The following PTPRN2 variants were observed in gnomAD, a reference collection of about 807,000 sequenced individuals.
PTPRN2 encodes receptor-type tyrosine-protein phosphatase N2.
A neutral mutation model predicts 118.8 loss-of-function variants in PTPRN2; 74 were observed. The observed-to-expected ratio is 0.62, with a 90% CI of 0.52 to 0.76. PTPRN2 has a LOEUF of 0.76. PTPRN2 is among the 30% of genes least tolerant of loss of function. The pLI is 0.00. For missense variants in PTPRN2, 1,481 were observed against 1,394.4 expected (o/e 1.06, Z -0.99); for synonymous variants, 641 against 608.0 (o/e 1.05, Z -0.80).
chr7:158,213,624 A>T (rs1182417105), intron 3 of PTPRN2, among the ~76,000 whole-genome samples: 1 of 152,188 alleles, frequency 6.6e-6, no homozygotes, highest in African/African-American at 2.4e-5. Flanking sequence ...CCATTTGCCA[A>T]AGCAACTTAA....
chr7:157,586,055 A>C (rs1236146305), intron 17 of PTPRN2, among the ~76,000 whole-genome samples: 1 of 152,356 alleles, frequency 6.6e-6, no homozygotes, highest in East Asian at 1.9e-4. Flanking sequence ...TCGTGAATTT[A>C]TGAATAGAAA....
At chr7:158,251,757 A>G (rs1428667501) in intron 3 of PTPRN2, among the ~76,000 whole-genome samples, 2 of 152,074 alleles carry the variant, frequency 1.3e-5, no homozygotes, top group Admixed American at 1.3e-4. Context: ...ATGGATGTAT[A>G]TGGTGCACGT....
intron 12 of PTPRN2, among the ~76,000 whole-genome samples, chr7:157,898,231 C>G (rs911680541): frequency 2.0e-5 from 3 of 152,230 alleles, no homozygotes; most frequent in Non-Finnish European, 4.4e-5. Flanking sequence ...GGAAGCATTT[C>G]CTGTTTTATA....
chr7:157,642,839 A>AAAAAAAAAAAAAC (rs1563293062), intron 14 of PTPRN2, among the ~76,000 whole-genome samples: 3 of 148,342 alleles, frequency 2.0e-5, no homozygotes, highest in African/African-American at 7.4e-5. Context: ...AAAAAAAAAA[A>AAAAAAAAAAAAAC]AAAAAGCAGC....
At chr7:158,420,455 G>A (rs1371227780) in intron 2 of PTPRN2, among the ~76,000 whole-genome samples, 1 of 152,184 alleles carries the variant, frequency 6.6e-6, no homozygotes, top group Admixed American at 6.5e-5. Context: ...CCAGCTTCAG[G>A]CACAGGGTCC....
chr7:157,883,332 C>A (rs1796261813), intron 12 of PTPRN2, among the ~76,000 whole-genome samples: 2 of 150,824 alleles, frequency 1.3e-5, no homozygotes, highest in South Asian at 4.2e-4. Flanking sequence ...CACACCACCC[C>A]AAAATGACTG....
At chr7:158,167,337 G>T (rs77448247) in intron 5 of PTPRN2, 46 bp from the exon 6 acceptor site, 8 of 1,529,224 alleles carry the variant, frequency 5.2e-6, no homozygotes, top group Non-Finnish European at 7.0e-6. Context: ...CATTTCCATC[G>T]TCAGCTGGGG....
At position 158,332,448 on chromosome 7, in the gene PTPRN2, C is replaced by A. The variant is rs545690639; in HGVS notation, c.164-15516G>T. On this transcript the variant is annotated intron_variant, in intron 2 of 22. Transcript: ENST00000389418. ...GACACCTGCAGACGTCACTCACACC[C>A]ACACTCTCACCATAAGAGGTGACAT... 2.4e-3 allele frequency among the ~76,000 whole-genome samples: 350 copies of A among 147,838 alleles called. 3 individuals are homozygous for A. The highest frequency in any genetic ancestry group is 8.6e-3 in the African/African-American group (326 of 37,856).
chr7:158,243,504 C>T (rs746744088), intron 3 of PTPRN2, among the ~76,000 whole-genome samples: 4 of 152,186 alleles, frequency 2.6e-5, no homozygotes, highest in Non-Finnish European at 4.4e-5. Flanking sequence ...GATGGTTACT[C>T]GTGTTTTCCA....
intron 2 of PTPRN2, among the ~76,000 whole-genome samples, chr7:158,408,537 G>A (rs1291562955): frequency 6.6e-6 from 1 of 152,208 alleles, no homozygotes; most frequent in Non-Finnish European, 1.5e-5. Flanking sequence ...GGAAGCAGAT[G>A]TTCATTACTT....
chr7:158,350,265 C>T (rs887677945), intron 2 of PTPRN2, among the ~76,000 whole-genome samples: 11 of 152,170 alleles, frequency 7.2e-5, no homozygotes, highest in African/African-American at 1.9e-4. Context: ...CTTCCATCTC[C>T]GCTCCCTCTG....
chr7:158,012,156 A>T (rs1035762791), intron 11 of PTPRN2, among the ~76,000 whole-genome samples: 5 of 152,206 alleles, frequency 3.3e-5, no homozygotes, highest in Non-Finnish European at 7.3e-5. Context: ...TGGGGGCAAG[A>T]ACCACACATC....
intron 12 of PTPRN2, among the ~76,000 whole-genome samples, chr7:157,691,972 G>GGA (rs1797525145): frequency 6.6e-6 from 1 of 152,118 alleles, no homozygotes; most frequent in Admixed American, 6.5e-5. Context: ...GGCGAGAGCC[G>GGA]GAGAGCTGAA....
At chr7:158,118,165 T>C (rs560670671) in intron 9 of PTPRN2, among the ~76,000 whole-genome samples, 1 of 152,344 alleles carries the variant, frequency 6.6e-6, no homozygotes, top group East Asian at 1.9e-4. Context: ...GTTTTCTACA[T>C]AATTTAAGAA....
intron 5 of PTPRN2, among the ~76,000 whole-genome samples, chr7:158,177,653 T>C (rs1464340624): frequency 6.6e-6 from 1 of 152,218 alleles, no homozygotes; most frequent in East Asian, 1.9e-4. Flanking sequence ...GCTCCTCTTT[T>C]GTCTTTTGGT....
intron 2 of PTPRN2, among the ~76,000 whole-genome samples, chr7:158,404,914 T>TCCCTGGCTCCCAGCTCCCCGG (rs1813277963): frequency 1.2e-5 from 1 of 80,302 alleles, no homozygotes; most frequent in East Asian, 3.8e-4. Context: ...CGGCCCCAGC[T>TCCCTGGCTCCCAGCTCCCCGG]CCCTGGCTCC....
At chr7:157,917,854 C>T (rs1798495210) in intron 11 of PTPRN2, among the ~76,000 whole-genome samples, 1 of 152,138 alleles carries the variant, frequency 6.6e-6, no homozygotes, top group Non-Finnish European at 1.5e-5. Flanking sequence ...ACATCAGAGT[C>T]AGCAGGCCGA....
In PTPRN2 at chr7:157,615,840, G is replaced by A; in HGVS notation, c.2344+5522C>T. 1 of 356,006 alleles carries A rather than the reference G, an allele frequency of 2.8e-6. No individual in the cohort carries two copies. The highest frequency in any genetic ancestry group is 2.1e-5 in the South Asian group (1 of 47,212). The allele number at this position is 356,006 out of a possible 1,614,324, so 22.1% of individuals were successfully genotyped here. ...CAACGGGGGGTGGGGGGTGCGCGAG[G>A]CCCTGGGCTCCACCGAAGACCTTAA... On this transcript the variant is annotated intron_variant, in intron 15 of 22. Coordinates refer to ENST00000389418, the MANE Select transcript of PTPRN2 (RefSeq NM_002847.5). The surrounding 1 kb of genome is among the most constrained non-coding windows in gnomAD (Gnocchi z 4.3).
intron 12 of PTPRN2, among the ~76,000 whole-genome samples, chr7:157,859,616 C>T (rs1294978855): frequency 4.1e-5 from 2 of 48,724 alleles, no homozygotes. Flanking sequence ...GCCCCCCAGC[C>T]ACCACCCACA....
Sources: gnomAD v4.1 joint callset for allele counts (sites outside exome capture counted in the v4.1 genomes callset) on GRCh38, gnomAD v4.1.1 for gene constraint, Gnocchi (gnomAD v3.1) non-coding constraint, MANE v1.5 for transcripts, NCBI Gene and HGNC (gene_info 2026-07-23, HGNC 2026-07-21) for gene names.